The following STAC variants were observed in gnomAD, a reference collection of about 807,000 sequenced individuals.
STAC encodes SH3 and cysteine rich domain, also known as SH3 and cysteine-rich domain-containing protein.
In STAC, 43 loss-of-function variants were observed where a neutral mutation model predicts 48.8. The ratio of observed to expected loss-of-function variants is 0.88; its 90% CI spans 0.69 to 1.14. The LOEUF is 1.14. Ranked by LOEUF, STAC falls within the 50% of genes most tolerant of loss-of-function variation. The pLI is 0.00. For missense variants in STAC, 497 were observed against 504.0 expected (o/e 0.99, Z 0.13); for synonymous variants, 193 against 179.5 (o/e 1.07, Z -0.60).
chr3:36,444,606 G>T (rs762652954), intron 2 of STAC, among the ~76,000 whole-genome samples: 1 of 152,306 alleles, frequency 6.6e-6, no homozygotes, highest in South Asian at 2.1e-4. Flanking sequence ...TTCGTTAGCC[G>T]AATTAAGTTA....
intron 1 of STAC, among the ~76,000 whole-genome samples, chr3:36,398,792 A>T (rs1699942338): frequency 6.6e-6 from 1 of 152,188 alleles, no homozygotes; most frequent in Non-Finnish European, 1.5e-5. Context: ...GACTTGAAGG[A>T]GCCTCCTTCT....
intron 2 of STAC, among the ~76,000 whole-genome samples, chr3:36,460,905 A>T (rs895115101): frequency 4.6e-5 from 7 of 152,212 alleles, no homozygotes; most frequent in African/African-American, 1.7e-4. Context: ...TGAATAGCCA[A>T]TTCTTCAAAA....
At chr3:36,457,481 A>G (rs1696886137) in intron 2 of STAC, among the ~76,000 whole-genome samples, 1 of 152,262 alleles carries the variant, frequency 6.6e-6, no homozygotes. Context: ...TTAACCGTAT[A>G]TCAAATTCCT....
intron 1 of STAC, among the ~76,000 whole-genome samples, chr3:36,391,222 C>A (rs1699745819): frequency 6.6e-6 from 1 of 152,344 alleles, no homozygotes; most frequent in African/African-American, 2.4e-5. Context: ...ATCTCTCACT[C>A]TTACTTGGTT....
At chr3:36,512,044 C>T (rs753513758) in intron 8 of STAC, among the ~76,000 whole-genome samples, 3 of 152,160 alleles carry the variant, frequency 2.0e-5, no homozygotes, top group Non-Finnish European at 4.4e-5. Context: ...TTGAGATCTG[C>T]TGCCAGGTGA....
chr3:36,530,800 G>A (rs1467917551), intron 10 of STAC, among the ~76,000 whole-genome samples: 1 of 151,748 alleles, frequency 6.6e-6, no homozygotes, highest in Non-Finnish European at 1.5e-5. Flanking sequence ...ATTTCTCCAT[G>A]TTGGTCAGGC....
At chr3:36,463,350 C>T (rs917704979) in intron 2 of STAC, among the ~76,000 whole-genome samples, 1 of 152,056 alleles carries the variant, frequency 6.6e-6, no homozygotes, top group African/African-American at 2.4e-5. Context: ...TTCTCTCTGT[C>T]CTCCTTGCAC....
At position 36,481,878 on chromosome 3, in the gene STAC, T is replaced by C. The variant is rs765896124; in HGVS notation, c.389-1114T>C. Among the ~76,000 whole-genome samples, 8 of 152,278 alleles carry C rather than the reference T, an allele frequency of 5.3e-5. No homozygotes were observed. The South Asian group carries it at 6.2e-4, about 12-fold the overall frequency. On this transcript the variant is annotated intron_variant, in intron 2 of 10. Coordinates refer to ENST00000273183, the MANE Select transcript of STAC (RefSeq NM_003149.3). ...ACTCACATAGGTCAAGCTGTTAAAA[T>C]AGTCTCCTTGAAACCCTCTCAGGAC...
At chr3:36,529,850 G>A (rs779772505) in intron 10 of STAC, among the ~76,000 whole-genome samples, 4 of 152,074 alleles carry the variant, frequency 2.6e-5, no homozygotes, top group African/African-American at 4.8e-5. Flanking sequence ...GGCAGGGCTC[G>A]GTGGCTCACG....
At chr3:36,523,042 T>C (rs1272126826) in intron 8 of STAC, among the ~76,000 whole-genome samples, 2 of 152,160 alleles carry the variant, frequency 1.3e-5, no homozygotes, top group Non-Finnish European at 2.9e-5. Flanking sequence ...AATGCCCATA[T>C]GAAAAACTGA....
intron 2 of STAC, among the ~76,000 whole-genome samples, chr3:36,458,252 T>C (rs1295464132): frequency 5.9e-5 from 9 of 152,180 alleles, no homozygotes; most frequent in Admixed American, 5.9e-4. Context: ...TTATTTTTCA[T>C]TGAGGCCCCA....
chr3:36,525,168 A>T (rs1470451340), intron 8 of STAC, among the ~76,000 whole-genome samples: 1 of 152,122 alleles, frequency 6.6e-6, no homozygotes, highest in East Asian at 1.9e-4. Flanking sequence ...GCCTAGTAAG[A>T]TGACACTCTT....
chr3:36,401,588 T>A (rs1273509169), intron 1 of STAC, among the ~76,000 whole-genome samples: 1 of 152,180 alleles, frequency 6.6e-6, no homozygotes, highest in Non-Finnish European at 1.5e-5. Context: ...CCAGCTGCTG[T>A]CCTTGGGCAC....
intron 6 of STAC, 29 bp from the exon 7 acceptor site, chr3:36,504,364 G>C (rs200069036): frequency 6.2e-7 from 1 of 1,600,120 alleles, no homozygotes; most frequent in African/African-American, 1.3e-5. Context: ...TAGATTCATA[G>C]AGCACCTGCT....
chr3:36,471,025 G>T (rs1008622756), intron 2 of STAC, among the ~76,000 whole-genome samples: 1 of 152,222 alleles, frequency 6.6e-6, no homozygotes, highest in South Asian at 2.1e-4. Flanking sequence ...GCTGTCTATA[G>T]ACCTGTTGTA....
chr3:36,539,575 T>C (rs906258672), intron 10 of STAC, among the ~76,000 whole-genome samples: 5 of 152,194 alleles, frequency 3.3e-5, no homozygotes, highest in African/African-American at 1.2e-4. Context: ...CCATGGTGTA[T>C]ATGTACCCCA....
chr3:36,514,391 G>A (rs1352926126), intron 8 of STAC, among the ~76,000 whole-genome samples: 1 of 151,358 alleles, frequency 6.6e-6, no homozygotes, highest in Non-Finnish European at 1.5e-5. Context: ...CTAGATCTCA[G>A]GTCAAATTTC....
intron 2 of STAC, among the ~76,000 whole-genome samples, chr3:36,475,006 T>C (rs561003736): frequency 6.6e-6 from 1 of 152,276 alleles, no homozygotes; most frequent in African/African-American, 2.4e-5. Flanking sequence ...CGTGTGTGTG[T>C]GTGTGCGCGC....
In STAC at chr3:36,528,744, G is replaced by A; in HGVS notation, c.969G>A (p.Trp323Ter). The change falls in exon 9 of 11, where the codon TGG (tryptophan) becomes TGA (stop). Residue 323 changes from tryptophan (W) to a stop codon, truncating the protein, a stop_gained. Coordinates refer to ENST00000273183, the MANE Select transcript of STAC (RefSeq NM_003149.3). LOFTEE classifies it high-confidence loss of function. ...TAGAGGATTCCAATGAAGACTGGTG[G>A]AAAGTAAGTGTTCCTCTTTCTTTAA... is the stretch of plus-strand genomic sequence containing the variant. ...TLLEDSNEDW[W>*]KGKIQDRIGF... The A allele has an allele frequency of 6.2e-7, 1 of 1,606,196 alleles. No homozygotes were observed. Among genetic ancestry groups the A allele is most frequent in the Non-Finnish European group, 8.5e-7 (1 of 1,176,740 alleles).
Sources: gnomAD v4.1 joint callset for allele counts (sites outside exome capture counted in the v4.1 genomes callset) on GRCh38, gnomAD v4.1.1 for gene constraint, MANE v1.5 for transcripts, NCBI Gene and HGNC (gene_info 2026-07-23, HGNC 2026-07-21) for gene names.